Variants in TNR observed in about 807,000 individuals in gnomAD.
The protein encoded by TNR is tenascin R.
Under a neutral mutation model 150.4 loss-of-function variants are expected in TNR, and 45 were observed. That is an observed-to-expected ratio of 0.30 (90% CI 0.24 to 0.38). TNR has a LOEUF of 0.38. Ranked by LOEUF, TNR falls within the 10% of genes least tolerant of loss-of-function variation. TNR has a pLI of 1.00. For missense variants in TNR, 1,544 were observed against 1,759.1 expected (o/e 0.88, Z 2.19); for synonymous variants, 687 against 678.4 (o/e 1.01, Z -0.20).
At chr1:175,710,261 G>A (rs79269718) in intron 1 of TNR, among the ~76,000 whole-genome samples, 3,719 of 152,096 alleles carry the variant, frequency 0.024, 137 homozygotes, top group African/African-American at 0.08. Flanking sequence ...TGGGGAGTGC[G>A]TAGACATGGG....
rs1557867536 is a variant in TNR, at chr1:175,331,046, T to TTTCTTTCTTTCTTTCCTTC, written c.3632-812_3632-811insGAAGGAAAGAAAGAAAGAA. ...CTTTCTTTCTTTCTTTCTTTCTTTC[T>TTTCTTTCTTTCTTTCCTTC]TTCTTTCTTTCTTTCTTTCTTTCTT... On this transcript the variant is annotated intron_variant, in intron 20 of 22. Coordinates refer to ENST00000367674, the MANE Select transcript of TNR (RefSeq NM_003285.3). Among the ~76,000 whole-genome samples, 3 of 82,968 alleles carry TTTCTTTCTTTCTTTCCTTC rather than the reference T, an allele frequency of 3.6e-5. No homozygotes were observed. In the East Asian group the frequency reaches 1.4e-3, roughly 38 times the overall value. The allele number at this position is 82,968 out of a possible 152,430, so 54.4% of individuals were successfully genotyped here.
chr1:175,698,561 C>A (rs560592580), intron 1 of TNR, among the ~76,000 whole-genome samples: 1 of 152,010 alleles, frequency 6.6e-6, no homozygotes, highest in Non-Finnish European at 1.5e-5. Flanking sequence ...TGGTGTCGGC[C>A]GGGTGCAGTG....
chr1:175,650,787 T>TCA (rs1419806190), intron 1 of TNR, among the ~76,000 whole-genome samples: 1 of 33,630 alleles, frequency 3.0e-5, no homozygotes, highest in Non-Finnish European at 5.7e-5. Flanking sequence ...TCATTACTCC[T>TCA]CCTCCCCCAT....
chr1:175,630,544 G>GTT (rs1664293766), intron 1 of TNR, among the ~76,000 whole-genome samples: 1 of 152,130 alleles, frequency 6.6e-6, no homozygotes, highest in Non-Finnish European at 1.5e-5. Context: ...GACTCCACTC[G>GTT]TTCTCTCTCT....
At chr1:175,602,377 A>G (rs1392042024) in intron 1 of TNR, among the ~76,000 whole-genome samples, 1 of 152,064 alleles carries the variant, frequency 6.6e-6, no homozygotes, top group African/African-American at 2.4e-5. Context: ...GCCTGAGTTG[A>G]GCTAAAAAAA....
Position 175,366,158 on chromosome 1 carries a change from G to T in TNR, c.2054-20C>A, listed in dbSNP as rs766856018. Reference sequence around the variant, plus strand: ...CAAGTTCTGTGGATTGACATAAATGGCCTATTTTACATGTGTTCCCCTGGA... The same window carrying T: ...CAAGTTCTGTGGATTGACATAAATGTCCTATTTTACATGTGTTCCCCTGGA... On this transcript the variant is annotated intron_variant, in intron 10 of 22. Coordinates refer to ENST00000367674, the MANE Select transcript of TNR (RefSeq NM_003285.3). The T allele has an allele frequency of 3.8e-6, 6 of 1,571,580 alleles. No individual in the cohort carries two copies. The African/African-American group carries it at 6.8e-5, about 18-fold the overall frequency.
chr1:175,346,712 T>C (rs1650803282), intron 18 of TNR, among the ~76,000 whole-genome samples: 1 of 151,860 alleles, frequency 6.6e-6, no homozygotes, highest in Admixed American at 6.6e-5. Context: ...GGGTCAAAAC[T>C]GGTACAAGAA....
At chr1:175,406,135 G>C in intron 3 of TNR, 81 bp downstream of exon 3, 2 of 1,522,756 alleles carry the variant, frequency 1.3e-6, no homozygotes, top group South Asian at 1.3e-5. Context: ...GAAGTGCATT[G>C]GTCCTTCTTG....
At chr1:175,623,100 A>G (rs970651327) in intron 1 of TNR, among the ~76,000 whole-genome samples, 32 of 152,210 alleles carry the variant, frequency 2.1e-4, no homozygotes, top group Admixed American at 2.1e-3. Flanking sequence ...AACCTATAAC[A>G]GTGCTCTTCA....
At chr1:175,564,302 G>T (rs1485518731) in intron 1 of TNR, among the ~76,000 whole-genome samples, 1 of 152,076 alleles carries the variant, frequency 6.6e-6, no homozygotes, top group Non-Finnish European at 1.5e-5. Context: ...GCTGCGAAGT[G>T]GGCACCTGGA....
In TNR at chr1:175,363,836, A is replaced by C; in HGVS notation, c.2588-9T>G. On this transcript the variant is annotated splice_polypyrimidine_tract_variant and intron_variant, in intron 12 of 22. Transcript: ENST00000367674. ...TTTTGGGGGATCAATTCCTACAAGGACCCAGTGATTGTGGGAAAAAGACAG... is the reference window on the plus strand; with the variant it reads ...TTTTGGGGGATCAATTCCTACAAGGCCCCAGTGATTGTGGGAAAAAGACAG... 1 of 1,603,292 alleles carries C rather than the reference A, an allele frequency of 6.2e-7. No individual in the cohort carries two copies. Among genetic ancestry groups the C allele is most frequent in the Non-Finnish European group, 8.5e-7 (1 of 1,174,136 alleles).
chr1:175,544,301 G>C (rs567352701), intron 1 of TNR, among the ~76,000 whole-genome samples: 4 of 152,314 alleles, frequency 2.6e-5, no homozygotes, highest in African/African-American at 7.2e-5. Flanking sequence ...AGGATAGTGA[G>C]AGCCCAAACT....
intron 1 of TNR, among the ~76,000 whole-genome samples, chr1:175,567,455 T>C (rs1661688872): frequency 6.6e-6 from 1 of 152,168 alleles, no homozygotes. Context: ...AGCAGAACCT[T>C]GTGCCATCCC....
intron 1 of TNR, among the ~76,000 whole-genome samples, chr1:175,605,517 T>C (rs989922000): frequency 6.6e-6 from 1 of 152,234 alleles, no homozygotes. Context: ...CTTGTCCTCA[T>C]GAACATAGCA....
chr1:175,523,068 T>C (rs1402847565), intron 2 of TNR, among the ~76,000 whole-genome samples: 1 of 152,222 alleles, frequency 6.6e-6, no homozygotes, highest in Non-Finnish European at 1.5e-5. Flanking sequence ...ATTCTCTGTC[T>C]CTTTAGACAG....
rs549482808 is a variant in TNR at position 175,733,757 on chromosome 1, G to A, written c.-165+9469C>T. ...CCTCCAGAACATCTCACCTGGCCCC[G>A]CTCCTGGTTGGAGGGTGGCCCACAA... On this transcript the variant is annotated intron_variant, in intron 1 of 22. Transcript: ENST00000367674. 1.7e-3 allele frequency among the ~76,000 whole-genome samples: 263 copies of A among 152,062 alleles called. 1 individual carries two copies. Among genetic ancestry groups the A allele is most frequent in the Non-Finnish European group, 3.3e-3 (221 of 67,986 alleles).
chr1:175,375,109 ATCT>A (rs1003098452), intron 9 of TNR, among the ~76,000 whole-genome samples: 1 of 151,640 alleles, frequency 6.6e-6, no homozygotes. Context: ...GCAACTAAAA[ATCT>A]TCTCCCTCCC....
Position 175,403,475 on chromosome 1 carries a change from C to T in TNR, c.641G>A (p.Cys214Tyr), listed in dbSNP as rs766244950. Residue 214 changes from cysteine to tyrosine, a missense_variant, in exon 4 of 23, where the codon TGT (cysteine) becomes TAT (tyrosine). Transcript: ENST00000367674. ...CPLGCSSRGV[C>Y]VDGQCICDSE... ...GTCACAGATGCACTGGCCATCCACA[C>T]ACACCCCCCGGCTGGAGCAACCCAG... 3 of 1,614,244 alleles carry T rather than the reference C, an allele frequency of 1.9e-6. No homozygotes were observed. The South Asian group carries it at 3.3e-5, about 18-fold the overall frequency.
At chr1:175,454,608 A>T (rs1656480072) in intron 2 of TNR, among the ~76,000 whole-genome samples, 1 of 152,082 alleles carries the variant, frequency 6.6e-6, no homozygotes, top group South Asian at 2.1e-4. Flanking sequence ...AGTAGCTGGG[A>T]TTACAGGCAT....
Sources: allele counts gnomAD v4.1 joint callset (sites outside exome capture counted in the v4.1 genomes callset), GRCh38; gene constraint gnomAD v4.1.1; transcripts MANE v1.5; gene names NCBI Gene and HGNC (gene_info 2026-07-23, HGNC 2026-07-21).